The following TIAL1 variants were observed in gnomAD, a reference collection of about 807,000 sequenced individuals.
The protein encoded by TIAL1 is nucleolysin TIAR.
Under a neutral mutation model 59.7 loss-of-function variants are expected in TIAL1, and 7 were observed. The ratio of observed to expected loss-of-function variants is 0.12; its 90% CI spans 0.07 to 0.22. TIAL1 has a LOEUF of 0.22. TIAL1 is among the 10% of genes least tolerant of loss of function. TIAL1 has a pLI of 1.00. For synonymous variants in TIAL1, 149 were observed against 146.3 expected (o/e 1.02, Z -0.13); for missense variants, 225 against 462.5 (o/e 0.49, Z 4.71).
chr10:119,588,327 TTTTCTTTCTTTCTTTC>T (rs72518192), intron 1 of TIAL1, 79 bp from the exon 2 acceptor site: 5 of 498,586 alleles, frequency 1.0e-5, no homozygotes, highest in Non-Finnish European at 1.7e-5. Flanking sequence ...ATTCATCACC[TTTTCTTTCTTTCTTTC>T]TTTCTTTCTT....
At chr10:119,596,079 C>A (rs1302982919) in intron 1 of TIAL1, among the ~76,000 whole-genome samples, 1 of 151,654 alleles carries the variant, frequency 6.6e-6, no homozygotes. Flanking sequence ...CCCGTGGGCG[C>A]CGGCAGCTCC....
chr10:119,587,981 T>G (rs558274963), intron 2 of TIAL1, among the ~76,000 whole-genome samples, 171 bp downstream of exon 2: 1 of 152,338 alleles, frequency 6.6e-6, no homozygotes, highest in South Asian at 2.1e-4. Context: ...AACTTTGCCC[T>G]CTTAAATAAA....
At chr10:119,590,796 GAAA>G in intron 1 of TIAL1, among the ~76,000 whole-genome samples, 1 of 147,358 alleles carries the variant, frequency 6.8e-6, no homozygotes, top group Non-Finnish European at 1.5e-5. Flanking sequence ...AAGAAAGAAA[GAAA>G]GAAAGAAAGA....
chr10:119,575,918 TAG>T, intron 11 of TIAL1, 127 bp from the exon 12 acceptor site: 1 of 858,774 alleles, frequency 1.2e-6, no homozygotes, highest in Non-Finnish European at 1.7e-6. Flanking sequence ...CTACAACAAA[TAG>T]AAAGATCAAA....
At chr10:119,580,633 A>C (rs1845257665) in intron 5 of TIAL1, 1 of 994,008 alleles carries the variant, frequency 1.0e-6, no homozygotes, top group Non-Finnish European at 1.2e-6. Flanking sequence ...AAAACAACAA[A>C]TTTACACAGA....
chr10:119,594,833 C>T (rs1846075653), intron 1 of TIAL1, among the ~76,000 whole-genome samples: 2 of 152,114 alleles, frequency 1.3e-5, no homozygotes, highest in Admixed American at 6.5e-5. Flanking sequence ...CCGTGTTGGC[C>T]AGGAAGGTCT....
Position 119,582,735 on chromosome 10 carries a change from GAAT to G in TIAL1, c.130-181_130-179del, listed in dbSNP as rs1239039104. 2 of 842,958 alleles carry G rather than the reference GAAT, an allele frequency of 2.4e-6. No homozygotes were observed. The highest frequency in any genetic ancestry group is 3.5e-5 in the African/African-American group (2 of 57,044). The allele number at this position is 842,958 out of a possible 1,614,324, so 52.2% of individuals were successfully genotyped here. On this transcript the variant is annotated intron_variant, in intron 2 of 11. Coordinates refer to ENST00000436547, the MANE Select transcript of TIAL1 (RefSeq NM_003252.4). The surrounding 1 kb of genome is among the most constrained non-coding windows in gnomAD (Gnocchi z 5.1). ...AAGCTAAACCTGACTTTGCACCTCA[GAAT>G]ACTGCTGAACTCAAACGGAACTATA...
chr10:119,577,268 T>C (rs976376515), intron 9 of TIAL1, 65 bp from the exon 10 acceptor site: 6 of 1,535,072 alleles, frequency 3.9e-6, no homozygotes, highest in Non-Finnish European at 5.2e-6. Flanking sequence ...ATAAATAACA[T>C]GGAAACTCAT....
rs1344302404 is a variant in TIAL1 at position 119,573,612 on chromosome 10, T to C, written c.*2053A>G. 1 of 152,612 alleles carries C rather than the reference T, an allele frequency of 6.6e-6. No individual in the cohort carries two copies. Among genetic ancestry groups the C allele is most frequent in the Non-Finnish European group, 1.5e-5 (1 of 68,034 alleles). 9.5% of individuals were successfully genotyped at this position (152,612 alleles called of 1,614,324 possible). Reference sequence around the variant, plus strand: ...CCAAAACAGGCATACTAAGCATTTTTATCAATTAAAAAAAGTCTTCAGTTG... The same window carrying C: ...CCAAAACAGGCATACTAAGCATTTTCATCAATTAAAAAAAGTCTTCAGTTG... On this transcript the variant is annotated 3_prime_UTR_variant, in exon 12 of 12. Coordinates refer to ENST00000436547, the MANE Select transcript of TIAL1 (RefSeq NM_003252.4).
rs1846216700 is a variant in TIAL1 at position 119,596,634 on chromosome 10, CCAACCAGGA to C, written c.-178_-170del. 4.9e-6 allele frequency: 3 copies of C among 611,120 alleles called. No homozygotes were observed. In the East Asian group the frequency reaches 8.4e-5, roughly 17 times the overall value. The allele number at this position is 611,120 out of a possible 1,614,324, so 37.9% of individuals were successfully genotyped here. A position where few individuals can be genotyped will look rare whatever the true frequency, so the allele number is the denominator to read the frequency against. ...CCCAGCCCGCTCCGGACACTGCGCT[CCAACCAGGA>C]GGAGCAGGAGGAGGAGGAGGATGAA... On this transcript the variant is annotated 5_prime_UTR_variant, in exon 1 of 12. Transcript: ENST00000436547.
intron 1 of TIAL1, among the ~76,000 whole-genome samples, chr10:119,594,324 G>T (rs1324882308): frequency 6.6e-6 from 1 of 152,102 alleles, no homozygotes; most frequent in East Asian, 1.9e-4. Flanking sequence ...ACTCTGATAG[G>T]GATGAAGGCA....
At position 119,596,826 on chromosome 10, in the gene TIAL1, G is replaced by C. The variant is rs1846230775; in HGVS notation, c.-361C>G. 1 of 289,202 alleles carries C rather than the reference G, an allele frequency of 3.5e-6. No homozygotes were observed. The highest frequency in any genetic ancestry group is 2.2e-5 in the African/African-American group (1 of 44,750). The allele number at this position is 289,202 out of a possible 1,614,324, so 17.9% of individuals were successfully genotyped here. Reference sequence around the variant, plus strand: ...GGAAACCCTGGGACCCGCTCACGACGGATCACGTCGTCGCTGTGGGCCTCT... The same window carrying C: ...GGAAACCCTGGGACCCGCTCACGACCGATCACGTCGTCGCTGTGGGCCTCT... On this transcript the variant is annotated 5_prime_UTR_variant, in exon 1 of 12. Transcript: ENST00000436547.
intron 1 of TIAL1, chr10:119,593,573 A>C: frequency 1.2e-6 from 1 of 820,622 alleles, no homozygotes; most frequent in Non-Finnish European, 1.5e-6. Context: ...ATTTAAGATA[A>C]GCTTTGTTAA....
chr10:119,576,848 C>A (rs1404340874), intron 10 of TIAL1, 98 bp from the exon 11 acceptor site: 2 of 1,494,918 alleles, frequency 1.3e-6, no homozygotes, highest in African/African-American at 1.4e-5. Flanking sequence ...AGTAAGCACC[C>A]TTATGTGAAT....
chr10:119,594,863 T>TC (rs1373554221), intron 1 of TIAL1, among the ~76,000 whole-genome samples: 2 of 152,170 alleles, frequency 1.3e-5, no homozygotes, highest in Non-Finnish European at 1.5e-5. Flanking sequence ...GACCTCGTGA[T>TC]CCGCCCACCT....
rs748894581 is a variant in TIAL1, at chr10:119,574,094, T to C, written c.*1571A>G. 12 of 152,784 alleles carry C rather than the reference T, an allele frequency of 7.9e-5. No individual in the cohort carries two copies. The highest frequency in any genetic ancestry group is 3.4e-3 in the Middle Eastern group (1 of 294). 9.5% of individuals were successfully genotyped at this position (152,784 alleles called of 1,614,324 possible). A position where few individuals can be genotyped will look rare whatever the true frequency, so the allele number is the denominator to read the frequency against. On this transcript the variant is annotated 3_prime_UTR_variant, in exon 12 of 12. Transcript: ENST00000436547. ...TGCCCAGGCCAGCATTTTGAATACATTGCCAAAACATTTGCACTCCCTAGC... is the reference window on the plus strand; with the variant it reads ...TGCCCAGGCCAGCATTTTGAATACACTGCCAAAACATTTGCACTCCCTAGC...
intron 11 of TIAL1, 129 bp from the exon 12 acceptor site, chr10:119,575,920 G>T: frequency 1.2e-6 from 1 of 861,300 alleles, no homozygotes; most frequent in Non-Finnish European, 1.7e-6. Context: ...ACAACAAATA[G>T]AAAGATCAAA....
intron 1 of TIAL1, 114 bp downstream of exon 1, chr10:119,596,320 G>T: frequency 8.3e-7 from 1 of 1,197,750 alleles, no homozygotes; most frequent in Non-Finnish European, 1.2e-6. Context: ...CGCCGCCCTG[G>T]TCAGGGAGCC....
rs1845257094 is a variant in TIAL1, at chr10:119,580,629, A to G, written c.372-619T>C. 4.0e-6 allele frequency: 4 copies of G among 993,998 alleles called. No homozygotes were observed. The South Asian group carries it at 1.8e-4, about 44-fold the overall frequency. The allele number at this position is 993,998 out of a possible 1,614,324, so 61.6% of individuals were successfully genotyped here. ...TGCTAAGCACACCAGTACGAAAACA[A>G]CAAATTTACACAGAAATTTTAGTGA... On this transcript the variant is annotated intron_variant, in intron 5 of 11. Coordinates refer to ENST00000436547, the MANE Select transcript of TIAL1 (RefSeq NM_003252.4).
Sources: gnomAD v4.1 joint callset for allele counts (sites outside exome capture counted in the v4.1 genomes callset) on GRCh38, gnomAD v4.1.1 for gene constraint, Gnocchi (gnomAD v3.1) non-coding constraint, MANE v1.5 for transcripts, NCBI Gene and HGNC (gene_info 2026-07-23, HGNC 2026-07-21) for gene names.